The following GABRG3 variants were observed in gnomAD, a reference collection of about 807,000 sequenced individuals.
GABRG3 encodes gamma-aminobutyric acid type A receptor subunit gamma3, also known as gamma-aminobutyric acid receptor subunit gamma-3.
GABRG3 carries 25 observed loss-of-function variants against 48.8 expected under a neutral mutation model. That is an observed-to-expected ratio of 0.51 (90% CI 0.37 to 0.72). The LOEUF (loss-of-function observed/expected upper bound fraction) is 0.72. Ranked by LOEUF, GABRG3 falls within the 30% of genes least tolerant of loss-of-function variation. The pLI, the probability that GABRG3 is intolerant of heterozygous loss-of-function variation, is 0.00. For missense variants in GABRG3, 394 were observed against 577.9 expected (o/e 0.68, Z 3.26); for synonymous variants, 227 against 217.6 (o/e 1.04, Z -0.38).
chr15:27,338,671 C>T (rs1894060830), intron 5 of GABRG3, among the ~76,000 whole-genome samples: 1 of 152,134 alleles, frequency 6.6e-6, no homozygotes, highest in Non-Finnish European at 1.5e-5. Flanking sequence ...GCTTTGTTCC[C>T]TCCAGACAGT....
At chr15:27,013,906 C>T (rs957830657) in intron 2 of GABRG3, among the ~76,000 whole-genome samples, 1 of 151,954 alleles carries the variant, frequency 6.6e-6, no homozygotes, top group African/African-American at 2.4e-5. Flanking sequence ...ATGCAGTTGG[C>T]GTTTATATTG....
chr15:27,146,563 A>G (rs1477379114), intron 3 of GABRG3, among the ~76,000 whole-genome samples: 1 of 152,168 alleles, frequency 6.6e-6, no homozygotes, highest in Non-Finnish European at 1.5e-5. Context: ...TATCAAAATT[A>G]AAAAGCAGCT....
intron 3 of GABRG3, among the ~76,000 whole-genome samples, chr15:27,162,825 A>G (rs760221041): frequency 1.3e-5 from 2 of 152,176 alleles, no homozygotes; most frequent in Non-Finnish European, 2.9e-5. Flanking sequence ...GCTTGCACAC[A>G]TAAGGGTAAG....
intron 5 of GABRG3, among the ~76,000 whole-genome samples, chr15:27,344,571 A>G (rs1894302250): frequency 6.6e-6 from 1 of 152,208 alleles, no homozygotes; most frequent in Non-Finnish European, 1.5e-5. Flanking sequence ...TTTTTATAAT[A>G]AAGTTATTTT....
chr15:27,371,484 C>G (rs1205393331), intron 5 of GABRG3, among the ~76,000 whole-genome samples: 1 of 152,184 alleles, frequency 6.6e-6, no homozygotes, highest in Non-Finnish European at 1.5e-5. Flanking sequence ...CTTTTTATAA[C>G]TGCTTCTCTC....
intron 5 of GABRG3, among the ~76,000 whole-genome samples, chr15:27,343,934 C>CT (rs988504592): frequency 2.3e-4 from 31 of 134,434 alleles, no homozygotes; most frequent in African/African-American, 8.7e-4. Flanking sequence ...GGCACCTTTC[C>CT]TTTTTTTGGA....
At chr15:27,065,332 G>A (rs1896719421) in intron 3 of GABRG3, among the ~76,000 whole-genome samples, 1 of 152,226 alleles carries the variant, frequency 6.6e-6, no homozygotes, top group African/African-American at 2.4e-5. Context: ...CCTGCTGCTA[G>A]ACAGTCATCT....
intron 3 of GABRG3, among the ~76,000 whole-genome samples, chr15:27,110,704 A>G (rs1897534097): frequency 6.6e-6 from 1 of 151,324 alleles, no homozygotes; most frequent in Non-Finnish European, 1.5e-5. Context: ...ATTTTCCTTC[A>G]CTCTCTTCTT....
intron 3 of GABRG3, among the ~76,000 whole-genome samples, chr15:27,087,519 G>A (rs1193543122): frequency 6.6e-6 from 1 of 152,228 alleles, no homozygotes; most frequent in African/African-American, 2.4e-5. Flanking sequence ...ATGTGAACAT[G>A]CCACATGGTG....
At chr15:27,173,517 A>G (rs570043162) in intron 3 of GABRG3, among the ~76,000 whole-genome samples, 1 of 152,268 alleles carries the variant, frequency 6.6e-6, no homozygotes, top group South Asian at 2.1e-4. Context: ...GAACCTAATT[A>G]TAAATATGTA....
At chr15:27,055,968 C>T (rs1896538103) in intron 3 of GABRG3, among the ~76,000 whole-genome samples, 1 of 152,240 alleles carries the variant, frequency 6.6e-6, no homozygotes, top group Admixed American at 6.5e-5. Flanking sequence ...CACTTTGATA[C>T]ATGTATACAT....
Position 27,179,760 on chromosome 15 carries a change from A to T in GABRG3, c.271-147049A>T, listed in dbSNP as rs208129. Among the ~76,000 whole-genome samples the T allele has an allele frequency of 0.38, 58,056 of 151,978 alleles. 11,321 individuals are homozygous for T. The highest frequency in any genetic ancestry group is 0.46 in the South Asian group (2,205 of 4,814). On this transcript the variant is annotated intron_variant, in intron 3 of 9. Transcript: ENST00000615808. The surrounding 1 kb of genome is among the most constrained non-coding windows in gnomAD (Gnocchi z 4.0). The stretch of plus-strand genomic sequence containing the variant: ...TGGTGTGAATTTTGAATGCTGTGGG[A>T]AAGATGGAAGCCAAAGATGCACCGG...
At position 26,974,385 on chromosome 15, in the gene GABRG3, G is replaced by T. The variant is rs543796567; in HGVS notation, c.54-2617G>T. ...AGTAATTTTTAAAAACTAAGGCTGCGTATATAGAGAATGATGAAAAGCTGG... is the reference window on the plus strand; with the variant it reads ...AGTAATTTTTAAAAACTAAGGCTGCTTATATAGAGAATGATGAAAAGCTGG... On this transcript the variant is annotated intron_variant, in intron 1 of 9. Transcript: ENST00000615808. The surrounding 1 kb of genome is among the most constrained non-coding windows in gnomAD (Gnocchi z 4.3). Among the ~76,000 whole-genome samples the T allele has an allele frequency of 1.3e-5, 2 of 152,116 alleles. No homozygotes were observed.
intron 5 of GABRG3, among the ~76,000 whole-genome samples, chr15:27,460,016 T>C (rs1009101779): frequency 2.0e-5 from 3 of 152,206 alleles, no homozygotes; most frequent in African/African-American, 7.2e-5. Context: ...TGAATGGAAT[T>C]GGACTGCCTT....
chr15:27,469,157 C>A (rs1595775533), intron 5 of GABRG3, among the ~76,000 whole-genome samples: 1 of 152,262 alleles, frequency 6.6e-6, no homozygotes, highest in South Asian at 2.1e-4. Flanking sequence ...AACAGACATG[C>A]CTCTGTTAAT....
intron 3 of GABRG3, among the ~76,000 whole-genome samples, chr15:27,124,840 T>C (rs1224408422): frequency 1.3e-5 from 2 of 152,180 alleles, no homozygotes; most frequent in African/African-American, 2.4e-5. Flanking sequence ...CTTTGAAAAA[T>C]AGACTTTGAA....
intron 5 of GABRG3, among the ~76,000 whole-genome samples, chr15:27,354,778 A>G (rs552849181): frequency 6.6e-4 from 100 of 152,358 alleles, no homozygotes; most frequent in South Asian, 1.4e-3. Context: ...CACAAGCTCA[A>G]TGTCTATCAC....
At chr15:27,040,531 T>G (rs1456652042) in intron 3 of GABRG3, among the ~76,000 whole-genome samples, 1 of 152,216 alleles carries the variant, frequency 6.6e-6, no homozygotes, top group African/African-American at 2.4e-5. Context: ...GATTTTATAA[T>G]ACAGAAGAAA....
chr15:27,179,775 A>C lies in GABRG3; in HGVS notation c.271-147034A>C, dbSNP rs2140415900. On this transcript the variant is annotated intron_variant, in intron 3 of 9. Transcript: ENST00000615808. The surrounding 1 kb of genome is among the most constrained non-coding windows in gnomAD (Gnocchi z 4.0). ...ATGCTGTGGGAAAGATGGAAGCCAA[A>C]GATGCACCGGGTCTTTGGAAAAGAA... Among the ~76,000 whole-genome samples the C allele has an allele frequency of 6.6e-6, 1 of 152,288 alleles. No individual in the cohort carries two copies. The highest frequency in any genetic ancestry group is 2.4e-5 in the African/African-American group (1 of 41,560).
Sources: gnomAD v4.1 joint callset for allele counts (sites outside exome capture counted in the v4.1 genomes callset) on GRCh38, gnomAD v4.1.1 for gene constraint, Gnocchi (gnomAD v3.1) non-coding constraint, MANE v1.5 for transcripts, NCBI Gene and HGNC (gene_info 2026-07-23, HGNC 2026-07-21) for gene names.